Variants in FRK observed in about 807,000 individuals in gnomAD.
The protein encoded by FRK is fyn related Src family tyrosine kinase.
Under a neutral mutation model 56.4 loss-of-function variants are expected in FRK, and 51 were observed. That is an observed-to-expected ratio of 0.90 (90% confidence interval 0.72 to 1.14). The LOEUF (loss-of-function observed/expected upper bound fraction) is 1.14. FRK is among the 50% of genes most tolerant of loss of function. The pLI is 0.00. For synonymous variants in FRK, 245 were observed against 217.9 expected, an observed-to-expected ratio of 1.12 and a Z score of -1.10; for missense variants, 570 against 601.4, an observed-to-expected ratio of 0.95 and a Z score of 0.55.
intron 2 of FRK, 47 bp downstream of exon 2, chr6:116,003,830 T>G: frequency 1.9e-6 from 3 of 1,603,778 alleles, no homozygotes; most frequent in Non-Finnish European, 2.6e-6. Context: ...AGCTCATGAC[T>G]GCAGACTCTC....
chr6:115,968,817 C>T, intron 2 of FRK, 78 bp from the exon 3 acceptor site: 1 of 1,188,694 alleles, frequency 8.4e-7, no homozygotes, highest in South Asian at 1.4e-5. Context: ...GTGACATTTT[C>T]AATGCATAAA....
At chr6:116,006,466 C>T (rs1257992414) in intron 1 of FRK, among the ~76,000 whole-genome samples, 2 of 152,150 alleles carry the variant, frequency 1.3e-5, no homozygotes, top group African/African-American at 4.8e-5. Flanking sequence ...AGCAATTTGG[C>T]ACTATCTGGT....
At chr6:115,981,831 T>C (rs1044339970) in intron 2 of FRK, among the ~76,000 whole-genome samples, 1 of 152,148 alleles carries the variant, frequency 6.6e-6, no homozygotes, top group African/African-American at 2.4e-5. Flanking sequence ...TTTCTACATA[T>C]GCAAGAAAAC....
rs1771960567 is a variant in FRK, at chr6:115,931,645, G to T, written c.*10769C>A. Reference sequence around the variant, plus strand: ...TAATTAAATATAGATTTTGAAAATTGATTAAAAGCTATGATATATTTCTAC... The same window carrying T: ...TAATTAAATATAGATTTTGAAAATTTATTAAAAGCTATGATATATTTCTAC... On this transcript the variant is annotated 3_prime_UTR_variant, in exon 8 of 8. Coordinates refer to ENST00000606080, the MANE Select transcript of FRK (RefSeq NM_002031.3). The T allele has an allele frequency of 6.6e-6, 1 of 151,986 alleles. No individual in the cohort carries two copies. Among genetic ancestry groups the T allele is most frequent in the African/African-American group, 2.4e-5 (1 of 41,404 alleles). The allele number at this position is 151,986 out of a possible 1,614,324, so 9.4% of individuals were successfully genotyped here.
At chr6:116,041,654 T>G (rs938776978) in intron 1 of FRK, among the ~76,000 whole-genome samples, 2 of 152,162 alleles carry the variant, frequency 1.3e-5, no homozygotes, top group Non-Finnish European at 2.9e-5. Context: ...GTCAGGGAAC[T>G]CCTTACCCTA....
At position 115,944,433 on chromosome 6, in the gene FRK, A is replaced by G. The variant is rs767050727; in HGVS notation, c.959-8T>C. The G allele has an allele frequency of 6.3e-7, 1 of 1,584,196 alleles. No homozygotes were observed. The highest frequency in any genetic ancestry group is 8.5e-7 in the Non-Finnish European group (1 of 1,170,208). On this transcript the variant is annotated splice_region_variant and splice_polypyrimidine_tract_variant and intron_variant, in intron 5 of 7. Coordinates refer to ENST00000606080, the MANE Select transcript of FRK (RefSeq NM_002031.3). ...TTTTTGATCCAGTGTCATCTAAGTA[A>G]TAAGAGAAAAGTAAGAAAGTTACCT...
In FRK at chr6:116,039,291, G is replaced by T. The variant is rs947140260; in HGVS notation, c.344+20677C>A. ...CCAGCAAGACTGCAACACCCCAGAA[G>T]GCCCAGGAAGTACACGAGAAGTTCT... On this transcript the variant is annotated intron_variant, in intron 1 of 7. Coordinates refer to ENST00000606080, the MANE Select transcript of FRK (RefSeq NM_002031.3). 1.8e-5 allele frequency: 26 copies of T among 1,458,768 alleles called. No homozygotes were observed. In the Admixed American group the frequency reaches 4.2e-4, roughly 24 times the overall value. 90.4% of individuals were successfully genotyped at this position (1,458,768 alleles called of 1,614,324 possible). A position where few individuals can be genotyped will look rare whatever the true frequency, so the allele number is the denominator to read the frequency against.
Position 115,967,544 on chromosome 6 carries a change from C to T in FRK, c.799+7G>A. 6.2e-7 allele frequency: 1 copy of T among 1,611,752 alleles called. No individual in the cohort carries two copies. The highest frequency in any genetic ancestry group is 8.5e-7 in the Non-Finnish European group (1 of 1,178,720). On this transcript the variant is annotated splice_region_variant and intron_variant, in intron 4 of 7. Coordinates refer to ENST00000606080, the MANE Select transcript of FRK (RefSeq NM_002031.3). ...CATATGCCATTTAACCTTTATTGTT[C>T]TCGCACCTGGTTTTAATGTTTTCAC...
At chr6:116,047,674 TC>T (rs1435102951) in intron 1 of FRK, among the ~76,000 whole-genome samples, 1 of 152,206 alleles carries the variant, frequency 6.6e-6, no homozygotes, top group Non-Finnish European at 1.5e-5. Flanking sequence ...TGGGATAGTA[TC>T]TGCTGATCTT....
At chr6:115,987,061 T>A (rs1322576952) in intron 2 of FRK, among the ~76,000 whole-genome samples, 1 of 152,124 alleles carries the variant, frequency 6.6e-6, no homozygotes, top group Non-Finnish European at 1.5e-5. Context: ...AATCTCTTCA[T>A]AGGCCATGGA....
Position 115,932,013 on chromosome 6 carries a change from T to C in FRK, c.*10401A>G, listed in dbSNP as rs1771965730. 1 of 152,188 alleles carries C rather than the reference T, an allele frequency of 6.6e-6. No homozygotes were observed. The highest frequency in any genetic ancestry group is 6.5e-5 in the Admixed American group (1 of 15,284). 9.4% of individuals were successfully genotyped at this position (152,188 alleles called of 1,614,324 possible). On this transcript the variant is annotated 3_prime_UTR_variant, in exon 8 of 8. Coordinates refer to ENST00000606080, the MANE Select transcript of FRK (RefSeq NM_002031.3). ...TTACATTGACGTCTGTTGCTTCAAA[T>C]GAATAATAGATAAATTAACTACCTA...
intron 2 of FRK, among the ~76,000 whole-genome samples, chr6:115,972,248 G>GACCC (rs1246500442): frequency 6.6e-6 from 1 of 152,178 alleles, no homozygotes; most frequent in Admixed American, 6.5e-5. Flanking sequence ...CTCATTAGGA[G>GACCC]ACCCACTTAT....
chr6:116,010,186 C>T (rs892026008), intron 1 of FRK, among the ~76,000 whole-genome samples: 10 of 151,838 alleles, frequency 6.6e-5, no homozygotes, highest in African/African-American at 2.2e-4. Context: ...CATGCCATCG[C>T]CTGGGCAACA....
chr6:116,012,054 C>G (rs1057265128), intron 1 of FRK, among the ~76,000 whole-genome samples: 1 of 152,166 alleles, frequency 6.6e-6, no homozygotes, highest in Non-Finnish European at 1.5e-5. Context: ...TAACCCTTGT[C>G]TAATTCAACA....
At chr6:115,952,816 G>A (rs1379703694) in intron 5 of FRK, among the ~76,000 whole-genome samples, 2 of 151,052 alleles carry the variant, frequency 1.3e-5, no homozygotes, top group Non-Finnish European at 2.9e-5. Context: ...GTAAACCATC[G>A]CAAGGACAAA....
chr6:116,026,488 C>T (rs1776090849), intron 1 of FRK, among the ~76,000 whole-genome samples: 1 of 112,530 alleles, frequency 8.9e-6, no homozygotes, highest in South Asian at 3.0e-4. Flanking sequence ...ATAAGTTGAA[C>T]CAGGAAGGAA....
chr6:115,947,078 TATC>T (rs1028360442), intron 5 of FRK, among the ~76,000 whole-genome samples: 112 of 152,168 alleles, frequency 7.4e-4, no homozygotes, highest in African/African-American at 2.6e-3. Context: ...GGAAAGCAGT[TATC>T]ATAAAATTTG....
the FRK span, among the ~76,000 whole-genome samples, chr6:116,068,783 A>G: frequency 6.6e-6 from 1 of 152,038 alleles, no homozygotes; most frequent in Admixed American, 6.6e-5. Context: ...TACTCAGTGA[A>G]TTTCTTTACT....
intron 1 of FRK, among the ~76,000 whole-genome samples, chr6:116,007,897 T>C (rs1437167460): frequency 1.3e-5 from 2 of 152,170 alleles, no homozygotes; most frequent in Non-Finnish European, 2.9e-5. Flanking sequence ...AATGCATGTA[T>C]TTAGAAAATA....
Sources: allele counts gnomAD v4.1 joint callset (sites outside exome capture counted in the v4.1 genomes callset), GRCh38; gene constraint gnomAD v4.1.1; transcripts MANE v1.5; gene names NCBI Gene and HGNC (gene_info 2026-07-23, HGNC 2026-07-21).